The following PALLD variants were observed in gnomAD, a reference collection of about 807,000 sequenced individuals.
PALLD encodes the protein palladin, cytoskeletal associated protein.
PALLD carries 61 observed loss-of-function variants against 123.5 expected under a neutral mutation model. That is an observed-to-expected ratio of 0.49 (90% CI 0.40 to 0.61). The LOEUF (loss-of-function observed/expected upper bound fraction) is 0.61, where lower values mean the gene tolerates loss of function less well. PALLD is among the 20% of genes least tolerant of loss of function. The probability of loss-of-function intolerance (pLI) is 0.00; values close to 1 mark genes in which losing one functional copy is unlikely to be tolerated. For missense variants in PALLD, 1,273 were observed against 1,377.0 expected (o/e 0.92, Z 1.20); for synonymous variants, 465 against 496.4 (o/e 0.94, Z 0.84).
chr4:168,926,973 T>TAACA lies in PALLD; in HGVS notation c.*795_*798dup, dbSNP rs1467725195. 1 of 219,764 alleles carries TAACA rather than the reference T, an allele frequency of 4.6e-6. No individual in the cohort carries two copies. Among genetic ancestry groups the TAACA allele is most frequent in the Non-Finnish European group, 9.1e-6 (1 of 109,308 alleles). 13.6% of individuals were successfully genotyped at this position (219,764 alleles called of 1,614,324 possible). ...AAATGTTAATATCAAAAGAGTTTTC[T>TAACA]AACAAGGTTAATACCTTAGTTCTTA... On this transcript the variant is annotated 3_prime_UTR_variant, in exon 22 of 22. Transcript: ENST00000505667.
At chr4:168,583,543 A>G (rs1408997619) in intron 2 of PALLD, among the ~76,000 whole-genome samples, 1 of 152,182 alleles carries the variant, frequency 6.6e-6, no homozygotes, top group Non-Finnish European at 1.5e-5. Flanking sequence ...ATAGACCGTC[A>G]TCTTCATGCA....
At chr4:168,842,957 G>T (rs958617738) in intron 10 of PALLD, among the ~76,000 whole-genome samples, 4 of 152,156 alleles carry the variant, frequency 2.6e-5, no homozygotes, top group African/African-American at 9.7e-5. Context: ...AATCCCAAGT[G>T]CTCGTTACCC....
intron 10 of PALLD, among the ~76,000 whole-genome samples, chr4:168,887,461 T>C (rs4692675): frequency 0.99 from 150,342 of 152,334 alleles, 74,192 homozygotes; most frequent in East Asian, 1. Context: ...CCCTTTCTTT[T>C]TCATTTGTGC....
intron 10 of PALLD, among the ~76,000 whole-genome samples, chr4:168,785,115 T>C (rs1240168044): frequency 8.8e-6 from 1 of 113,158 alleles, no homozygotes; most frequent in African/African-American, 3.4e-5. Context: ...ACAAGGGAAA[T>C]ACAATGGGGC....
chr4:168,744,286 T>C (rs1311776092), intron 10 of PALLD, among the ~76,000 whole-genome samples: 1 of 152,196 alleles, frequency 6.6e-6, no homozygotes, highest in Non-Finnish European at 1.5e-5. Flanking sequence ...TGTTCTCTGC[T>C]TCTGTTTGTA....
chr4:168,876,967 T>C (rs2151108825), intron 10 of PALLD, among the ~76,000 whole-genome samples: 1 of 152,328 alleles, frequency 6.6e-6, no homozygotes, highest in South Asian at 2.1e-4. Flanking sequence ...AAATTTGAAC[T>C]ATCTCTTCTC....
intron 2 of PALLD, among the ~76,000 whole-genome samples, chr4:168,577,992 A>T (rs950372215): frequency 6.6e-6 from 1 of 152,104 alleles, no homozygotes; most frequent in Non-Finnish European, 1.5e-5. Context: ...AGAAAATGTT[A>T]CAAAGACCCA....
chr4:168,753,041 T>C (rs1012392334), intron 10 of PALLD, among the ~76,000 whole-genome samples: 5 of 152,236 alleles, frequency 3.3e-5, no homozygotes, highest in Admixed American at 1.3e-4. Context: ...TATGAGACAA[T>C]GGCAAAGCGA....
At chr4:168,861,273 T>C (rs12649376) in intron 10 of PALLD, among the ~76,000 whole-genome samples, 117,868 of 150,066 alleles carry the variant, frequency 0.79, 46,287 homozygotes, top group East Asian at 0.93. Context: ...CTATTGAATA[T>C]GGAATTAAAA....
At chr4:168,691,227 C>G in intron 7 of PALLD, 42 bp from the exon 8 acceptor site, 1 of 1,474,700 alleles carries the variant, frequency 6.8e-7, no homozygotes, top group Non-Finnish European at 9.5e-7. Flanking sequence ...GAACCCCATT[C>G]TAATACTTTG....
rs561118887 is a variant in PALLD at position 168,761,719 on chromosome 4, C to T, written c.1964+49796C>T. 2.2e-5 allele frequency among the ~76,000 whole-genome samples: 3 copies of T among 135,080 alleles called. No individual in the cohort carries two copies. The Admixed American group carries it at 2.7e-4, about 12-fold the overall frequency. 88.6% of individuals were successfully genotyped at this position (135,080 alleles called of 152,430 possible). On this transcript the variant is annotated intron_variant, in intron 10 of 21. Coordinates refer to ENST00000505667, the MANE Select transcript of PALLD (RefSeq NM_001166108.2). ...TAGAGACGGGGTTTCACCATGTTTC[C>T]GCGGCTGATCTCAAACTCCTGGGCT...
At chr4:168,811,757 TTCTCTCTC>T (rs1225193326) in intron 10 of PALLD, among the ~76,000 whole-genome samples, 17 of 130,196 alleles carry the variant, frequency 1.3e-4, no homozygotes, top group African/African-American at 4.2e-4. Flanking sequence ...CTCTCTCTCT[TTCTCTCTC>T]TCTCTCTCTC....
chr4:168,551,706 A>G (rs1191847264), intron 2 of PALLD, among the ~76,000 whole-genome samples: 1 of 152,018 alleles, frequency 6.6e-6, no homozygotes, highest in African/African-American at 2.4e-5. Flanking sequence ...AAAACAAAAC[A>G]GGCAATGTGA....
intron 1 of PALLD, among the ~76,000 whole-genome samples, chr4:168,497,805 A>T (rs2149382053): frequency 6.6e-6 from 1 of 152,340 alleles, no homozygotes; most frequent in African/African-American, 2.4e-5. Flanking sequence ...TGCAATCTCG[A>T]GTCCAGTCAA....
At chr4:168,843,691 G>A (rs1056021973) in intron 10 of PALLD, among the ~76,000 whole-genome samples, 4 of 152,160 alleles carry the variant, frequency 2.6e-5, no homozygotes, top group African/African-American at 9.7e-5. Context: ...CGCATGGGGT[G>A]TTTGAGAAAA....
At chr4:168,581,775 A>T (rs1342111575) in intron 2 of PALLD, among the ~76,000 whole-genome samples, 1 of 151,840 alleles carries the variant, frequency 6.6e-6, no homozygotes, top group African/African-American at 2.4e-5. Flanking sequence ...ATGCAATCCC[A>T]TTTAACTATT....
intron 14 of PALLD, among the ~76,000 whole-genome samples, chr4:168,902,644 G>C (rs1756780541): frequency 6.6e-6 from 1 of 152,070 alleles, no homozygotes; most frequent in African/African-American, 2.4e-5. Context: ...GCGAGACCCT[G>C]TCTCCAAAAC....
chr4:168,760,137 G>A (rs1422467795), intron 10 of PALLD, among the ~76,000 whole-genome samples: 2 of 152,006 alleles, frequency 1.3e-5, no homozygotes, highest in Non-Finnish European at 2.9e-5. Flanking sequence ...ACTTCCCCTT[G>A]TGTTTGACGT....
chr4:168,633,733 G>A (rs1044836196), intron 2 of PALLD, among the ~76,000 whole-genome samples: 1 of 152,128 alleles, frequency 6.6e-6, no homozygotes, highest in African/African-American at 2.4e-5. Context: ...AGGTTCTGCC[G>A]AGTTTTCTTT....
Sources: allele counts gnomAD v4.1 joint callset (sites outside exome capture counted in the v4.1 genomes callset), GRCh38; gene constraint gnomAD v4.1.1; transcripts MANE v1.5; gene names NCBI Gene and HGNC (gene_info 2026-07-23, HGNC 2026-07-21).